IPPK: variants seen among roughly 807,000 people sequenced by gnomAD.
IPPK encodes inositol-pentakisphosphate 2-kinase.
In IPPK, 22 loss-of-function variants were observed where a neutral mutation model predicts 64.6. That is an observed-to-expected ratio of 0.34 (90% confidence interval 0.24 to 0.49). IPPK has a LOEUF of 0.49. IPPK is among the 20% of genes least tolerant of loss of function. The pLI is 0.99. For synonymous variants in IPPK, 262 were observed against 247.2 expected (o/e 1.06, Z -0.56); for missense variants, 532 against 630.7 (o/e 0.84, Z 1.68).
chr9:92,658,922 A>T (rs1268930766), intron 1 of IPPK, among the ~76,000 whole-genome samples: 2 of 152,244 alleles, frequency 1.3e-5, no homozygotes, highest in Non-Finnish European at 2.9e-5. Context: ...ACTTTATCTT[A>T]AGGAAAGAAA....
intron 3 of IPPK, among the ~76,000 whole-genome samples, chr9:92,654,355 A>T (rs1007197417): frequency 6.6e-6 from 1 of 152,134 alleles, no homozygotes; most frequent in Non-Finnish European, 1.5e-5. Flanking sequence ...CATTTCCACA[A>T]GAAAAACTAA....
In IPPK at chr9:92,635,324, G is replaced by A. The variant is rs1851920111; in HGVS notation, c.917-16C>T. The A allele has an allele frequency of 6.2e-7, 1 of 1,603,696 alleles. No individual in the cohort carries two copies. On this transcript the variant is annotated splice_polypyrimidine_tract_variant and intron_variant, in intron 9 of 12. Coordinates refer to ENST00000287996, the MANE Select transcript of IPPK (RefSeq NM_022755.6). The surrounding 1 kb of genome is among the most constrained non-coding windows in gnomAD (Gnocchi z 4.4). ...GTGTTTTTTCCTACCGAGAACATCA[G>A]GGGAAAACGAGAGCATGTTGATTAT...
chr9:92,669,750 G>T (rs944184865), intron 1 of IPPK, among the ~76,000 whole-genome samples, 158 bp downstream of exon 1: 1 of 151,338 alleles, frequency 6.6e-6, no homozygotes. Context: ...GGTAGGGGGG[G>T]ATGCTGGAGG....
rs199506973 is a variant in IPPK, at chr9:92,638,238, C to A, written c.679G>T (p.Val227Leu). 1 of 1,614,190 alleles carries A rather than the reference C, an allele frequency of 6.2e-7. No individual in the cohort carries two copies. The highest frequency in any genetic ancestry group is 8.5e-7 in the Non-Finnish European group (1 of 1,180,008). Residue 227 changes from valine (V) to leucine (L), a missense_variant, in exon 9 of 13, where the codon GTG becomes TTG. By Grantham distance (32) the Val-to-Leu change is conservative (BLOSUM62 1). Coordinates refer to ENST00000287996, the MANE Select transcript of IPPK (RefSeq NM_022755.6). ...TGTGCAAGCTCGCTCCAGTCAGCCACGGGGCTCCGGGCATCTTTGCAGCCG... is the reference window on the plus strand; with the variant it reads ...TGTGCAAGCTCGCTCCAGTCAGCCAAGGGGCTCCGGGCATCTTTGCAGCCG... Reference protein sequence around the residue: ...IYGCKDARSPVADWSELAHHL... With the variant: ...IYGCKDARSPLADWSELAHHL...
At chr9:92,662,761 C>T (rs1440290546) in intron 1 of IPPK, among the ~76,000 whole-genome samples, 1 of 152,176 alleles carries the variant, frequency 6.6e-6, no homozygotes, top group Non-Finnish European at 1.5e-5. Context: ...TGCATTTATA[C>T]ACACACACTA....
intron 6 of IPPK, among the ~76,000 whole-genome samples, chr9:92,644,213 C>T (rs1852105855): frequency 6.6e-6 from 1 of 152,156 alleles, no homozygotes; most frequent in South Asian, 2.1e-4. Context: ...AAGTTTTGAA[C>T]TCTGGAAATT....
chr9:92,653,965 C>T (rs1048005057), intron 3 of IPPK, among the ~76,000 whole-genome samples: 2 of 152,226 alleles, frequency 1.3e-5, no homozygotes, highest in African/African-American at 4.8e-5. Flanking sequence ...CTGGATGCCT[C>T]GCGTGTGAGA....
intron 1 of IPPK, among the ~76,000 whole-genome samples, chr9:92,663,558 A>C (rs1035284930): frequency 6.6e-6 from 1 of 152,178 alleles, no homozygotes; most frequent in Admixed American, 6.5e-5. Context: ...CTTCCTTCTG[A>C]TATTCTATAT....
intron 7 of IPPK, 24 bp downstream of exon 7, chr9:92,642,728 G>T: frequency 6.2e-7 from 1 of 1,609,594 alleles, no homozygotes; most frequent in Non-Finnish European, 8.5e-7. Context: ...GACACAAGGG[G>T]GCAAAGGAGA....
intron 4 of IPPK, among the ~76,000 whole-genome samples, chr9:92,651,019 G>A (rs1213651337): frequency 6.6e-6 from 1 of 152,112 alleles, no homozygotes; most frequent in African/African-American, 2.4e-5. Context: ...ATGGCAGGCT[G>A]AGCAGCAGAG....
chr9:92,629,038 C>T (rs1851784465), intron 11 of IPPK, among the ~76,000 whole-genome samples: 4 of 152,022 alleles, frequency 2.6e-5, no homozygotes, highest in Admixed American at 2.0e-4. Context: ...CAGTGAGCTA[C>T]GAACACACCA....
intron 1 of IPPK, among the ~76,000 whole-genome samples, chr9:92,665,955 C>T (rs978987997): frequency 1.3e-5 from 2 of 152,088 alleles, no homozygotes; most frequent in African/African-American, 4.8e-5. Flanking sequence ...TAAACAGGTA[C>T]CAAAGGGACA....
At chr9:92,645,192 A>G (rs1466422581) in intron 6 of IPPK, among the ~76,000 whole-genome samples, 1 of 152,042 alleles carries the variant, frequency 6.6e-6, no homozygotes, top group Non-Finnish European at 1.5e-5. Context: ...GGCGTTCGAG[A>G]CCAGCCTGGG....
chr9:92,656,084 C>A (rs550907177), intron 3 of IPPK, among the ~76,000 whole-genome samples: 20 of 152,206 alleles, frequency 1.3e-4, no homozygotes, highest in Non-Finnish European at 2.6e-4. Flanking sequence ...CCCAGGACAG[C>A]CCCAGCAGGT....
At position 92,658,649 on chromosome 9, in the gene IPPK, A is replaced by G. The variant is rs751675668; in HGVS notation, c.114T>C (p.Pro38=). The G allele has an allele frequency of 6.2e-7, 1 of 1,614,006 alleles. No homozygotes were observed. Among genetic ancestry groups the G allele is most frequent in the Non-Finnish European group, 8.5e-7 (1 of 1,179,852 alleles). The change falls in exon 2 of 13, where the codon CCT becomes CCC. Residue 38 remains proline, a synonymous_variant. Transcript: ENST00000287996. ...CCCATCTTACCTTCTTCCTATTTGG[A>G]GGAAACTTCAGAAACCGCAGCACGA... The part of the protein sequence containing the change: ...RCVVLRFLKF[P]PNRKKTSEEI...
rs770401892 is a variant in IPPK at position 92,635,362 on chromosome 9, A to T, written c.917-54T>A. ...GCATGTTGATTATCAAAGAACGTGG[A>T]GGGAGACACAGGCCGGCGCAGACCG... On this transcript the variant is annotated intron_variant, in intron 9 of 12. Coordinates refer to ENST00000287996, the MANE Select transcript of IPPK (RefSeq NM_022755.6). The surrounding 1 kb of genome is among the most constrained non-coding windows in gnomAD (Gnocchi z 4.4). The T allele has an allele frequency of 1.3e-6, 2 of 1,572,304 alleles. No individual in the cohort carries two copies. The highest frequency in any genetic ancestry group is 4.5e-5 in the East Asian group (2 of 44,492).
intron 1 of IPPK, among the ~76,000 whole-genome samples, chr9:92,665,877 A>C (rs1354675378): frequency 1.3e-5 from 2 of 152,198 alleles, no homozygotes; most frequent in African/African-American, 2.4e-5. Flanking sequence ...ATGAGAAGAG[A>C]AACAGTAGAA....
Position 92,670,086 on chromosome 9 carries a change from G to T in IPPK, c.-98C>A. ...GAACCAGCCGCTGCGGTCGGGGGAG[G>T]AGCGCCTGTCAGCTGCCGCCCCCGC... is the stretch of plus-strand genomic sequence containing the variant. On this transcript the variant is annotated 5_prime_UTR_variant, in exon 1 of 13. Transcript: ENST00000287996. 2 of 835,118 alleles carry T rather than the reference G, an allele frequency of 2.4e-6. No individual in the cohort carries two copies. The highest frequency in any genetic ancestry group is 1.8e-6 in the Non-Finnish European group (1 of 563,560). 51.7% of individuals were successfully genotyped at this position (835,118 alleles called of 1,614,324 possible).
intron 11 of IPPK, among the ~76,000 whole-genome samples, chr9:92,631,276 GC>G (rs1238302029): frequency 6.7e-6 from 1 of 148,468 alleles, no homozygotes; most frequent in Non-Finnish European, 1.5e-5. Context: ...GCTCACTGCA[GC>G]CTCCACCTCC....
Sources: allele counts gnomAD v4.1 joint callset (sites outside exome capture counted in the v4.1 genomes callset), GRCh38; gene constraint gnomAD v4.1.1; non-coding constraint Gnocchi (gnomAD v3.1); transcripts MANE v1.5; gene names NCBI Gene and HGNC (gene_info 2026-07-23, HGNC 2026-07-21).